The following VWF variants were observed in gnomAD, a reference collection of about 807,000 sequenced individuals.
The protein encoded by VWF is von Willebrand factor.
VWF carries 176 observed loss-of-function variants against 308.6 expected under a neutral mutation model. That is an observed-to-expected ratio of 0.57 (90% CI 0.50 to 0.65). The LOEUF (loss-of-function observed/expected upper bound fraction) is 0.65. Among genes scored for constraint, VWF ranks in the 30% least tolerant of loss-of-function variants. The probability of loss-of-function intolerance (pLI) is 0.00; values close to 1 mark genes in which losing one functional copy is unlikely to be tolerated. For synonymous variants in VWF, 1,385 were observed against 1,443.4 expected, an observed-to-expected ratio of 0.96 and a Z score of 0.92; for missense variants, 3,146 against 3,648.2, an observed-to-expected ratio of 0.86 and a Z score of 3.55.
At chr12:6,030,340 C>T (rs1356962592) in intron 21 of VWF, among the ~76,000 whole-genome samples, 2 of 152,206 alleles carry the variant, frequency 1.3e-5, no homozygotes, top group East Asian at 1.9e-4. Flanking sequence ...ACAGTTAATA[C>T]GTTATGCTTG....
At chr12:5,998,584 C>A (rs1027148384) in intron 34 of VWF, among the ~76,000 whole-genome samples, 3 of 128,928 alleles carry the variant, frequency 2.3e-5, no homozygotes, top group African/African-American at 8.9e-5. Context: ...AAATAAACTA[C>A]AAGGCAAATA....
chr12:5,994,095 G>A lies in VWF; in HGVS notation c.6365C>T (p.Thr2122Met), dbSNP rs779593487. 5.8e-5 allele frequency: 94 copies of A among 1,614,038 alleles called. No homozygotes were observed. Among genetic ancestry groups the A allele is most frequent in the Non-Finnish European group, 6.9e-5 (81 of 1,180,030 alleles). ...CTGCTCCTCCAGGATGGGCTGGCAC[G>A]TCTGCCCTGGCCGCTGCACAGTCCA... ...QEWTVQRPGQ[T>M]CQPILEEQCL... The change falls in exon 37 of 52, where the codon ACG (threonine) becomes ATG (methionine). Residue 2122 changes from threonine (T) to methionine (M), a missense_variant. Transcript: ENST00000261405.
At chr12:5,989,150 C>G (rs1943710645) in intron 38 of VWF, among the ~76,000 whole-genome samples, 1 of 152,204 alleles carries the variant, frequency 6.6e-6, no homozygotes, top group Non-Finnish European at 1.5e-5. Flanking sequence ...CCACCACCAC[C>G]AGCAGCTCCA....
At chr12:5,960,752 A>G (rs1943304944) in intron 47 of VWF, among the ~76,000 whole-genome samples, 1 of 152,224 alleles carries the variant, frequency 6.6e-6, no homozygotes, top group South Asian at 2.1e-4. Flanking sequence ...ATCTTAAAAT[A>G]TACAGCAAAA....
In VWF at chr12:6,057,831, GCC is replaced by G; in HGVS notation, c.1729+16_1729+17del. 6.3e-7 allele frequency: 1 copy of G among 1,594,512 alleles called. No individual in the cohort carries two copies. Among genetic ancestry groups the G allele is most frequent in the Admixed American group, 1.7e-5 (1 of 58,304 alleles). On this transcript the variant is annotated intron_variant, in intron 14 of 51. Coordinates refer to ENST00000261405, the MANE Select transcript of VWF (RefSeq NM_000552.5). ...CGAGATTCTGCGAGGTCCCTGCCTT[GCC>G]CCCGGGTTCACATACTCATGCGCGG...
At chr12:6,072,204 C>A in intron 9 of VWF, 127 bp downstream of exon 9, 1 of 816,230 alleles carries the variant, frequency 1.2e-6, no homozygotes, top group Non-Finnish European at 2.0e-6. Context: ...CAGTAGCCTC[C>A]AACTCAGTCT....
At chr12:5,993,248 C>T (rs1429169409) in intron 37 of VWF, among the ~76,000 whole-genome samples, 1 of 152,182 alleles carries the variant, frequency 6.6e-6, no homozygotes, top group Non-Finnish European at 1.5e-5. Flanking sequence ...CCCTGAGGGA[C>T]AGGAGCCATA....
At chr12:6,082,577 T>C (rs906719692) in intron 6 of VWF, among the ~76,000 whole-genome samples, 1 of 152,270 alleles carries the variant, frequency 6.6e-6, no homozygotes, top group Non-Finnish European at 1.5e-5. Flanking sequence ...GTAAACACAC[T>C]GTAACCTCCT....
At chr12:6,017,287 T>C (rs1394196248) in intron 28 of VWF, among the ~76,000 whole-genome samples, 1 of 152,154 alleles carries the variant, frequency 6.6e-6, no homozygotes, top group Non-Finnish European at 1.5e-5. Context: ...TGTCCTCAGA[T>C]CTTGCAGGGC....
intron 47 of VWF, among the ~76,000 whole-genome samples, chr12:5,958,023 T>G (rs1007693518): frequency 6.6e-6 from 1 of 152,090 alleles, no homozygotes; most frequent in African/African-American, 2.4e-5. Flanking sequence ...AATCAAAGTG[T>G]ACTGTGATAA....
chr12:6,002,382 G>A (rs1390569530), intron 34 of VWF, among the ~76,000 whole-genome samples: 1 of 151,626 alleles, frequency 6.6e-6, no homozygotes, highest in Non-Finnish European at 1.5e-5. Flanking sequence ...ATTAACAAAT[G>A]ACAAAAGAAA....
chr12:6,041,009 C>T (rs1944390822), intron 18 of VWF, among the ~76,000 whole-genome samples: 1 of 152,024 alleles, frequency 6.6e-6, no homozygotes, highest in Non-Finnish European at 1.5e-5. Flanking sequence ...GACGCAAGCA[C>T]AGAAACTAAG....
chr12:6,044,258 G>A, intron 18 of VWF, 33 bp downstream of exon 18: 3 of 1,612,712 alleles, frequency 1.9e-6, no homozygotes, highest in Non-Finnish European at 2.5e-6. Flanking sequence ...GAAAACTGAA[G>A]GGCAGGCACC....
chr12:6,040,460 G>T (rs1030617586), intron 18 of VWF, among the ~76,000 whole-genome samples: 23 of 152,114 alleles, frequency 1.5e-4, no homozygotes. Context: ...ATAGTTAGTG[G>T]TCATTAAACC....
chr12:6,021,369 T>G (rs2136415817), intron 27 of VWF: 1 of 160,754 alleles, frequency 6.2e-6, no homozygotes, highest in East Asian at 1.8e-4. Flanking sequence ...AAAGGCCAGT[T>G]TCCCAGAGGC....
chr12:6,057,958 C>G lies in VWF; in HGVS notation c.1620G>C (p.Gly540=). 11 of 1,613,766 alleles carry G rather than the reference C, an allele frequency of 6.8e-6. No individual in the cohort carries two copies. The highest frequency in any genetic ancestry group is 9.3e-6 in the Non-Finnish European group (11 of 1,180,038). The stretch of plus-strand genomic sequence containing the variant: ...AGTCCTCCACCCGGGGCTCCGCCAG[C>G]CCAGAGGGGGTAAGGAAGTCGTCGC... ...NQGDDFLTPS[G]LAEPRVEDFG... is the part of the protein sequence containing the mutation. Residue 540 remains glycine (G), a synonymous_variant, in exon 14 of 52, where the codon GGG becomes GGC. Transcript: ENST00000261405.
chr12:6,017,154 T>C (rs1165904553), intron 28 of VWF, among the ~76,000 whole-genome samples: 1 of 152,210 alleles, frequency 6.6e-6, no homozygotes, highest in East Asian at 1.9e-4. Context: ...GCAGCAGGCA[T>C]AGGCTTCCTC....
chr12:6,013,782 TG>T lies in VWF; in HGVS notation c.5456-138del, dbSNP rs1425315250. On this transcript the variant is annotated intron_variant, in intron 31 of 51. Transcript: ENST00000261405. ...ACATACATCAGCCCTATGAGGAAGA[TG>T]TTCAGTCAACAGATATTAATGAGCT... 3.3e-5 allele frequency: 32 copies of T among 974,922 alleles called. 1 individual carries two copies. In the Admixed American group the frequency reaches 6.3e-4, roughly 19 times the overall value. The allele number at this position is 974,922 out of a possible 1,614,324, so 60.4% of individuals were successfully genotyped here.
intron 38 of VWF, among the ~76,000 whole-genome samples, chr12:5,989,538 A>C (rs896912036): frequency 1.3e-5 from 2 of 152,226 alleles, no homozygotes; most frequent in Non-Finnish European, 2.9e-5. Flanking sequence ...GTTTTCAATT[A>C]ACTAATTTTA....
Sources: allele counts gnomAD v4.1 joint callset (sites outside exome capture counted in the v4.1 genomes callset), GRCh38; gene constraint gnomAD v4.1.1; transcripts MANE v1.5; gene names NCBI Gene and HGNC (gene_info 2026-07-23, HGNC 2026-07-21).